The following RNF183 variants were observed in gnomAD, a reference collection of about 807,000 sequenced individuals.
RNF183 encodes the protein ring finger protein 183.
RNF183 carries 4 observed loss-of-function variants against 9.0 expected under a neutral mutation model. The observed-to-expected ratio is 0.44, with a 90% CI of 0.22 to 1.01. The LOEUF (loss-of-function observed/expected upper bound fraction) is 1.01, where lower values mean the gene tolerates loss of function less well. Among genes scored for constraint, RNF183 ranks in the 50% least tolerant of loss-of-function variants. The pLI, the probability that RNF183 is intolerant of heterozygous loss-of-function variation, is 0.25. For missense variants in RNF183, 227 were observed against 253.6 expected (o/e 0.89, Z 0.71); for synonymous variants, 102 against 107.5 (o/e 0.95, Z 0.32).
chr9:113,297,627 C>G lies in RNF183; in HGVS notation c.558G>C (p.Gln186His). 1 of 1,604,380 alleles carries G rather than the reference C, an allele frequency of 6.2e-7. No homozygotes were observed. Among genetic ancestry groups the G allele is most frequent in the Admixed American group, 1.7e-5 (1 of 59,136 alleles). ...LLIFSIFWTK[Q>H]FLWGVG ...GCACTCACCCCACACCCCAAAGGAA[C>G]TGCTTGGTCCAAAAGATGGAGAATA... The change falls in exon 5 of 5, where the codon CAG becomes CAC. Residue 186 changes from glutamine (Q) to histidine (H), a missense_variant. Coordinates refer to ENST00000489339, the MANE Select transcript of RNF183 (RefSeq NM_001371237.1).
Position 113,298,405 on chromosome 9 carries a change from T to C in RNF183, c.-37-184A>G. On this transcript the variant is annotated intron_variant, in intron 4 of 4. Coordinates refer to ENST00000489339, the MANE Select transcript of RNF183 (RefSeq NM_001371237.1). This position sits in a 1 kb window ranked among gnomAD's most constrained non-coding sequence, Gnocchi z 4.9. ...AGTTGAGTCAAATGCTCCTACAGCC[T>C]CCCCTCTGTCAAGGTGAAGGCCTGG... 1.8e-6 allele frequency: 1 copy of C among 560,576 alleles called. No individual in the cohort carries two copies. The allele number at this position is 560,576 out of a possible 1,614,324, so 34.7% of individuals were successfully genotyped here.
Position 113,298,418 on chromosome 9 carries a change from G to C in RNF183, c.-37-197C>G. ...GCTCCTACAGCCTCCCCTCTGTCAA[G>C]GTGAAGGCCTGGGCCACCCCTACCA... On this transcript the variant is annotated intron_variant, in intron 4 of 4. Transcript: ENST00000489339. This position sits in a 1 kb window ranked among gnomAD's most constrained non-coding sequence, Gnocchi z 4.9. 1.8e-6 allele frequency: 1 copy of C among 557,326 alleles called. No individual in the cohort carries two copies. The highest frequency in any genetic ancestry group is 3.1e-5 in the East Asian group (1 of 32,654). The allele number at this position is 557,326 out of a possible 1,614,324, so 34.5% of individuals were successfully genotyped here. A position where few individuals can be genotyped will look rare whatever the true frequency, so the allele number is the denominator to read the frequency against.
Position 113,297,876 on chromosome 9 carries a change from C to T in RNF183, c.309G>A (p.Gln103=). The change falls in exon 5 of 5, where the codon CAG becomes CAA. Residue 103 remains glutamine, a synonymous_variant. Transcript: ENST00000489339. Reference sequence around the variant, plus strand: ...GGCGCAGGAAGTAGCGGCTCTTGGGCTGGTCCTTGAGGCACAGCTGATGGC... The same window carrying T: ...GGCGCAGGAAGTAGCGGCTCTTGGGTTGGTCCTTGAGGCACAGCTGATGGC... ...LEGHQLCLKD[Q]PKSRYFLRQP... 6.2e-7 allele frequency: 1 copy of T among 1,613,442 alleles called. No homozygotes were observed. The highest frequency in any genetic ancestry group is 8.5e-7 in the Non-Finnish European group (1 of 1,179,736).
chr9:113,301,391 G>T (rs1832914665), intron 3 of RNF183, among the ~76,000 whole-genome samples: 1 of 152,176 alleles, frequency 6.6e-6, no homozygotes, highest in Non-Finnish European at 1.5e-5. Flanking sequence ...GTAGGCAATT[G>T]TAACACAATG....
chr9:113,298,411 C>T lies in RNF183; in HGVS notation c.-37-190G>A. ...GTCAAATGCTCCTACAGCCTCCCCT[C>T]TGTCAAGGTGAAGGCCTGGGCCACC... On this transcript the variant is annotated intron_variant, in intron 4 of 4. Coordinates refer to ENST00000489339, the MANE Select transcript of RNF183 (RefSeq NM_001371237.1). This position sits in a 1 kb window ranked among gnomAD's most constrained non-coding sequence, Gnocchi z 4.9. The T allele has an allele frequency of 1.8e-6, 1 of 563,178 alleles. No homozygotes were observed. Among genetic ancestry groups the T allele is most frequent in the East Asian group, 3.0e-5 (1 of 33,094 alleles). 34.9% of individuals were successfully genotyped at this position (563,178 alleles called of 1,614,324 possible).
At position 113,297,481 on chromosome 9, in the gene RNF183, C is replaced by T. The variant is rs1832756255; in HGVS notation, c.*125G>A. On this transcript the variant is annotated 3_prime_UTR_variant, in exon 5 of 5. Transcript: ENST00000489339. ...ATTGTTCCCAGAAGCAAACACATGG[C>T]CTGAACAATCCCTGGATTGTAAAAT... The T allele has an allele frequency of 3.1e-6, 2 of 647,196 alleles. No individual in the cohort carries two copies. Among genetic ancestry groups the T allele is most frequent in the Non-Finnish European group, 5.2e-6 (2 of 387,312 alleles). The allele number at this position is 647,196 out of a possible 1,614,324, so 40.1% of individuals were successfully genotyped here.
chr9:113,298,247 G>A lies in RNF183; in HGVS notation c.-37-26C>T. The stretch of plus-strand genomic sequence containing the variant: ...CTGGCAGAAGGGGGAAAGGAGCAAA[G>A]GAACAGCCATGAAGTCCCATCCTTG... On this transcript the variant is annotated intron_variant, in intron 4 of 4. Coordinates refer to ENST00000489339, the MANE Select transcript of RNF183 (RefSeq NM_001371237.1). The surrounding 1 kb of genome is among the most constrained non-coding windows in gnomAD (Gnocchi z 4.9). 7.1e-7 allele frequency: 1 copy of A among 1,413,196 alleles called. No homozygotes were observed. Among genetic ancestry groups the A allele is most frequent in the Non-Finnish European group, 9.8e-7 (1 of 1,016,258 alleles). 87.5% of individuals were successfully genotyped at this position (1,413,196 alleles called of 1,614,324 possible). A position where few individuals can be genotyped will look rare whatever the true frequency, so the allele number is the denominator to read the frequency against.
In RNF183 at chr9:113,297,726, C is replaced by T. The variant is rs1176139755; in HGVS notation, c.459G>A (p.Glu153=). 1 of 1,614,142 alleles carries T rather than the reference C, an allele frequency of 6.2e-7. No homozygotes were observed. The highest frequency in any genetic ancestry group is 8.5e-7 in the Non-Finnish European group (1 of 1,180,000). ...ILIPSHHSLR[E]CFRNPQFRIF... ...TGCGGAACTGAGGGTTGCGGAAACA[C>T]TCCCTCAAAGAGTGGTGGCTGGGGA... Residue 153 remains glutamate (E), a synonymous_variant, in exon 5 of 5, where the codon GAG becomes GAA. Coordinates refer to ENST00000489339, the MANE Select transcript of RNF183 (RefSeq NM_001371237.1).
Position 113,298,165 on chromosome 9 carries a change from C to T in RNF183, c.20G>A (p.Arg7Gln), listed in dbSNP as rs202129303. 3.2e-5 allele frequency: 51 copies of T among 1,612,134 alleles called. No homozygotes were observed. The African/African-American group carries it at 4.5e-4, about 14-fold the overall frequency. The change falls in exon 5 of 5, where the codon CGG (arginine) becomes CAG (glutamine). Residue 7 changes from arginine to glutamine, a missense_variant. By Grantham distance (43) the Arg-to-Gln change is conservative. Transcript: ENST00000489339. This position sits in a 1 kb window ranked among gnomAD's most constrained non-coding sequence, Gnocchi z 4.9. ...GACGGGGCACTCAGCCTCAAGCTCCCGGCCCTGCTGCTCAGCCATCCTCAG... is the reference window on the plus strand; with the variant it reads ...GACGGGGCACTCAGCCTCAAGCTCCTGGCCCTGCTGCTCAGCCATCCTCAG... The part of the protein sequence containing the change: MAEQQG[R>Q]ELEAECPVCW...
chr9:113,298,226 C>A lies in RNF183; in HGVS notation c.-37-5G>T. The A allele has an allele frequency of 6.6e-7, 1 of 1,524,246 alleles. No individual in the cohort carries two copies. Among genetic ancestry groups the A allele is most frequent in the Non-Finnish European group, 9.0e-7 (1 of 1,112,376 alleles). 94.4% of individuals were successfully genotyped at this position (1,524,246 alleles called of 1,614,324 possible). Reference sequence around the variant, plus strand: ...GGAGGCTTCGCGGGAGACGTCCTGGCAGAAGGGGGAAAGGAGCAAAGGAAC... The same window carrying A: ...GGAGGCTTCGCGGGAGACGTCCTGGAAGAAGGGGGAAAGGAGCAAAGGAAC... On this transcript the variant is annotated splice_region_variant and splice_polypyrimidine_tract_variant and intron_variant, in intron 4 of 4. Coordinates refer to ENST00000489339, the MANE Select transcript of RNF183 (RefSeq NM_001371237.1). The surrounding 1 kb of genome is among the most constrained non-coding windows in gnomAD (Gnocchi z 4.9).
Position 113,297,763 on chromosome 9 carries a change from G to A in RNF183, c.422C>T (p.Thr141Met), listed in dbSNP as rs146147048. Residue 141 changes from threonine (T) to methionine (M), a missense_variant, in exon 5 of 5, where the codon ACG becomes ATG. By Grantham distance (81) the Thr-to-Met change is moderately conservative. Coordinates refer to ENST00000489339, the MANE Select transcript of RNF183 (RefSeq NM_001371237.1). ...GTGGTGGCTGGGGATGAGGATGGGC[G>A]TAGACACGGTGGCAGAGGCCGTGTC... ...PPDTASATVS[T>M]PILIPSHHSL... 1,349 of 1,613,992 alleles carry A rather than the reference G, an allele frequency of 8.4e-4. No individual in the cohort carries two copies. Among genetic ancestry groups the A allele is most frequent in the Non-Finnish European group, 1.1e-3 (1,273 of 1,179,950 alleles).
intron 1 of RNF183, among the ~76,000 whole-genome samples, chr9:113,302,831 C>A (rs1341872781): frequency 6.6e-6 from 1 of 152,188 alleles, no homozygotes; most frequent in African/African-American, 2.4e-5. Context: ...ACAGAGTTAG[C>A]ATGATTATTT....
intron 4 of RNF183, 46 bp downstream of exon 4, chr9:113,299,526 C>A (rs1270907996): frequency 1.3e-5 from 2 of 152,176 alleles, no homozygotes; most frequent in Non-Finnish European, 2.9e-5. Context: ...CAGTCACCCG[C>A]TGATCTTTTA....
chr9:113,298,878 CT>C lies in RNF183; in HGVS notation c.-37-658del, dbSNP rs1832827468. The C allele has an allele frequency of 1.3e-5, 2 of 154,192 alleles. No homozygotes were observed. The highest frequency in any genetic ancestry group is 4.1e-4 in the South Asian group (2 of 4,886). The allele number at this position is 154,192 out of a possible 1,614,324, so 9.6% of individuals were successfully genotyped here. ...TCTTCCCCTTCCAGAGCCTCTTCCCCTTCCAGAGCCTCTTCCCCATCCTCTG... is the reference window on the plus strand; with the variant it reads ...TCTTCCCCTTCCAGAGCCTCTTCCCCTCCAGAGCCTCTTCCCCATCCTCTG... On this transcript the variant is annotated intron_variant, in intron 4 of 4. Coordinates refer to ENST00000489339, the MANE Select transcript of RNF183 (RefSeq NM_001371237.1). This position sits in a 1 kb window ranked among gnomAD's most constrained non-coding sequence, Gnocchi z 4.9.
In RNF183 at chr9:113,300,732, G is replaced by A. The variant is rs540569420; in HGVS notation, c.-242+940C>T. On this transcript the variant is annotated intron_variant, in intron 3 of 4. Transcript: ENST00000489339. ...GGTGACCGGAGTAGGCAAGGTGGGA[G>A]GGTATAGTACTCGGGACCTGTGAAC... Among the ~76,000 whole-genome samples, 3 of 152,226 alleles carry A rather than the reference G, an allele frequency of 2.0e-5. No individual in the cohort carries two copies. In the South Asian group the frequency reaches 6.2e-4, roughly 32 times the overall value.
chr9:113,301,169 C>CTT (rs1468389083), intron 3 of RNF183, among the ~76,000 whole-genome samples: 1 of 152,140 alleles, frequency 6.6e-6, no homozygotes, highest in African/African-American at 2.4e-5. Context: ...ACTAGTAAAG[C>CTT]TTTTAGTTAG....
rs1832856471 is a variant in RNF183 at position 113,299,723 on chromosome 9, G to A, written c.-189C>T. The A allele has an allele frequency of 6.6e-6, 1 of 152,152 alleles. No individual in the cohort carries two copies. The highest frequency in any genetic ancestry group is 2.1e-4 in the South Asian group (1 of 4,830). 9.4% of individuals were successfully genotyped at this position (152,152 alleles called of 1,614,324 possible). On this transcript the variant is annotated 5_prime_UTR_variant, in exon 4 of 5. Coordinates refer to ENST00000489339, the MANE Select transcript of RNF183 (RefSeq NM_001371237.1). The stretch of plus-strand genomic sequence containing the variant: ...TCTCCGTTTCAACCAGAAATACTTG[G>A]CTTTTCTCTGTTTCTCATATGGGTC...
In RNF183 at chr9:113,303,071, CG is replaced by C. The variant is rs1832969164; in HGVS notation, c.-457del. The stretch of plus-strand genomic sequence containing the variant: ...GTCTCCTTACCTGCTCCCTCGGAGC[CG>C]CCTCCTCCGCCTCCGTTCGTGCAGC... On this transcript the variant is annotated 5_prime_UTR_variant, in exon 1 of 5. An upstream open reading frame in the 5' UTR loses its in-frame stop. Transcript: ENST00000489339. 1 of 152,650 alleles carries C rather than the reference CG, an allele frequency of 6.6e-6. No homozygotes were observed. The highest frequency in any genetic ancestry group is 6.5e-5 in the Admixed American group (1 of 15,280). The allele number at this position is 152,650 out of a possible 1,614,324, so 9.5% of individuals were successfully genotyped here. A position where few individuals can be genotyped will look rare whatever the true frequency, so the allele number is the denominator to read the frequency against.
Position 113,297,997 on chromosome 9 carries a change from G to A in RNF183, c.188C>T (p.Thr63Ile), listed in dbSNP as rs1277098502. The A allele has an allele frequency of 3.1e-6, 5 of 1,613,826 alleles. No homozygotes were observed. The highest frequency in any genetic ancestry group is 1.3e-5 in the African/African-American group (1 of 74,906). The stretch of plus-strand genomic sequence containing the variant: ...GACAGGCTGCCCTGAGGCCAGCACT[G>A]TGGGCTGGCGACAGAGTGGGCACAG... ...RLLCPLCRQPTVLASGQPVTD... is the reference protein window; with the variant it reads ...RLLCPLCRQPIVLASGQPVTD... The change falls in exon 5 of 5, where the codon ACA becomes ATA. Residue 63 changes from threonine (T) to isoleucine (I), a missense_variant. Physicochemically the swap from Thr to Ile is moderately conservative, Grantham distance 89 (BLOSUM62 -1). Transcript: ENST00000489339.
Sources: gnomAD v4.1 joint callset for allele counts (sites outside exome capture counted in the v4.1 genomes callset) on GRCh38, gnomAD v4.1.1 for gene constraint, Gnocchi (gnomAD v3.1) non-coding constraint, MANE v1.5 for transcripts, NCBI Gene and HGNC (gene_info 2026-07-23, HGNC 2026-07-21) for gene names.